The following ZSCAN2 variants were observed in gnomAD, a reference collection of about 807,000 sequenced individuals.
ZSCAN2 encodes the protein zinc finger and SCAN domain-containing protein 2.
Under a neutral mutation model 47.8 loss-of-function variants are expected in ZSCAN2, and 26 were observed. That is an observed-to-expected ratio of 0.54 (90% CI 0.40 to 0.75). The LOEUF is 0.75. Among genes scored for constraint, ZSCAN2 ranks in the 30% least tolerant of loss-of-function variants. ZSCAN2 has a pLI of 0.00. For synonymous variants in ZSCAN2, 305 were observed against 288.7 expected, an observed-to-expected ratio of 1.06 and a Z score of -0.57; for missense variants, 732 against 785.4, an observed-to-expected ratio of 0.93 and a Z score of 0.81.
At chr15:84,603,565 C>T (rs2141755619) in intron 1 of ZSCAN2, among the ~76,000 whole-genome samples, 1 of 152,174 alleles carries the variant, frequency 6.6e-6, no homozygotes, top group South Asian at 2.1e-4. Context: ...AATGGGGTTT[C>T]ACCATACCTC....
intron 2 of ZSCAN2, chr15:84,606,553 C>A: frequency 1.2e-6 from 2 of 1,613,930 alleles, no homozygotes; most frequent in African/African-American, 1.3e-5. Context: ...GCTTCCCTTC[C>A]GGTGGAGGTG....
chr15:84,603,733 A>T (rs1043134150), intron 1 of ZSCAN2, 87 bp from the exon 2 acceptor site: 1 of 581,168 alleles, frequency 1.7e-6, no homozygotes, highest in Admixed American at 3.3e-5. Flanking sequence ...TGTAAGGGCC[A>T]CTTGGTGGTC....
At position 84,619,961 on chromosome 15, in the gene ZSCAN2, G is replaced by GT. The variant is rs1895779291; in HGVS notation, c.407-639dup. Among the ~76,000 whole-genome samples, 4 of 144,416 alleles carry GT rather than the reference G, an allele frequency of 2.8e-5. No individual in the cohort carries two copies. The Admixed American group carries it at 2.8e-4, about 10-fold the overall frequency. 94.7% of individuals were successfully genotyped at this position (144,416 alleles called of 152,430 possible). A position where few individuals can be genotyped will look rare whatever the true frequency, so the allele number is the denominator to read the frequency against. ...TTTTTTTTTTTCCATCAGCTTTTAGGTTCAGGGGTACATGTGCAGGATGTG... is the reference window on the plus strand; with the variant it reads ...TTTTTTTTTTTCCATCAGCTTTTAGGTTTCAGGGGTACATGTGCAGGATGTG... On this transcript the variant is annotated intron_variant, in intron 2 of 2. Transcript: ENST00000546148.
At chr15:84,605,474 T>C (rs1384755553) in intron 2 of ZSCAN2, among the ~76,000 whole-genome samples, 2 of 152,104 alleles carry the variant, frequency 1.3e-5, no homozygotes, top group Non-Finnish European at 2.9e-5. Context: ...AGAGGAGCTG[T>C]GCTGAGCAGA....
intron 2 of ZSCAN2, among the ~76,000 whole-genome samples, chr15:84,612,659 C>T (rs1310663874): frequency 3.3e-5 from 5 of 151,984 alleles, no homozygotes; most frequent in African/African-American, 4.8e-5. Context: ...GGCGTGAACC[C>T]GGTAGGCGGA....
intron 2 of ZSCAN2, among the ~76,000 whole-genome samples, chr15:84,605,276 A>C (rs529419268): frequency 6.6e-6 from 1 of 152,156 alleles, no homozygotes; most frequent in Non-Finnish European, 1.5e-5. Flanking sequence ...TTGATGACCA[A>C]ATGTTTACTT....
Position 84,622,234 on chromosome 15 carries a change from A to C in ZSCAN2, c.*194A>C, listed in dbSNP as rs1895833615. 1.6e-6 allele frequency: 1 copy of C among 616,258 alleles called. No homozygotes were observed. Among genetic ancestry groups the C allele is most frequent in the East Asian group, 2.8e-5 (1 of 35,610 alleles). The allele number at this position is 616,258 out of a possible 1,614,324, so 38.2% of individuals were successfully genotyped here. A position where few individuals can be genotyped will look rare whatever the true frequency, so the allele number is the denominator to read the frequency against. ...AGTCAAGTCCCGTATACATTCAAGA[A>C]CAGGGCATAGGCGTGGAAGGTCTGG... On this transcript the variant is annotated 3_prime_UTR_variant, in exon 3 of 3. Coordinates refer to ENST00000546148, the MANE Select transcript of ZSCAN2 (RefSeq NM_181877.4).
rs779998410 is a variant in ZSCAN2, at chr15:84,621,247, C to A, written c.1052C>A (p.Thr351Lys). Residue 351 changes from threonine (T) to lysine (K), a missense_variant, in exon 3 of 3, where the codon ACG (threonine) becomes AAG (lysine). Physicochemically the swap from Thr to Lys is moderately conservative, Grantham distance 78 (BLOSUM62 -1). Transcript: ENST00000546148. The surrounding 1 kb of genome is among the most constrained non-coding windows in gnomAD (Gnocchi z 5.7). Reference protein sequence around the residue: ...KSFGNRSSLNTHQGIHTGEKP... With the variant: ...KSFGNRSSLNKHQGIHTGEKP... Reference sequence around the variant, plus strand: ...TTTGGCAACCGATCCAGCCTTAACACGCATCAGGGGATCCACACTGGAGAA... The same window carrying A: ...TTTGGCAACCGATCCAGCCTTAACAAGCATCAGGGGATCCACACTGGAGAA... 1 of 1,613,946 alleles carries A rather than the reference C, an allele frequency of 6.2e-7. No individual in the cohort carries two copies. The highest frequency in any genetic ancestry group is 1.1e-5 in the South Asian group (1 of 91,076).
intron 1 of ZSCAN2, among the ~76,000 whole-genome samples, chr15:84,602,567 CT>C (rs971688715): frequency 7.0e-6 from 1 of 143,324 alleles, no homozygotes; most frequent in Non-Finnish European, 1.5e-5. Context: ...AGTTTCTTTT[CT>C]TTTTTTTCCT....
rs1471588970 is a variant in ZSCAN2 at position 84,621,737 on chromosome 15, C to T, written c.1542C>T (p.Arg514=). The change falls in exon 3 of 3, where the codon CGC becomes CGT. Residue 514 remains arginine (R), a synonymous_variant. Coordinates refer to ENST00000546148, the MANE Select transcript of ZSCAN2 (RefSeq NM_181877.4). This position sits in a 1 kb window ranked among gnomAD's most constrained non-coding sequence, Gnocchi z 5.7. ...AGTGTGGGAAATGCTTCAGCCAGCG[C>T]TCCCAGCTCGTAGTGCACCAGCGGA... The part of the protein sequence containing the change: ...CSECGKCFSQ[R]SQLVVHQRTH... 2 of 1,614,192 alleles carry T rather than the reference C, an allele frequency of 1.2e-6. No homozygotes were observed. The highest frequency in any genetic ancestry group is 1.1e-5 in the South Asian group (1 of 91,086).
intron 2 of ZSCAN2, among the ~76,000 whole-genome samples, chr15:84,615,620 G>A (rs764782904): frequency 2.6e-4 from 40 of 152,266 alleles, no homozygotes; most frequent in South Asian, 8.3e-4. Flanking sequence ...CTGAGCCAAC[G>A]CGCCTGGCCC....
chr15:84,602,980 T>C (rs944739133), intron 1 of ZSCAN2, among the ~76,000 whole-genome samples: 3 of 152,172 alleles, frequency 2.0e-5, no homozygotes, highest in African/African-American at 7.2e-5. Flanking sequence ...TTTTTGGTTA[T>C]TTTTTTAAGA....
At chr15:84,601,633 T>C (rs748772212) in intron 1 of ZSCAN2, among the ~76,000 whole-genome samples, 2 of 152,134 alleles carry the variant, frequency 1.3e-5, no homozygotes, top group Non-Finnish European at 2.9e-5. Context: ...TTTTTTAAGC[T>C]TTTGTCAGCT....
At chr15:84,601,341 G>A (rs989621955) in intron 1 of ZSCAN2, among the ~76,000 whole-genome samples, 7 of 152,184 alleles carry the variant, frequency 4.6e-5, no homozygotes, top group African/African-American at 1.7e-4. Context: ...CTGGCGGAGA[G>A]CTCCTTGCCT....
intron 1 of ZSCAN2, among the ~76,000 whole-genome samples, chr15:84,602,587 C>CTTTT (rs981357914): frequency 6.4e-4 from 74 of 115,654 alleles, no homozygotes; most frequent in Middle Eastern, 5.0e-3. Context: ...CTTTTCTTTT[C>CTTTT]TTTTTTTTTT....
chr15:84,609,145 T>C (rs1162869545), intron 2 of ZSCAN2, among the ~76,000 whole-genome samples: 1 of 152,142 alleles, frequency 6.6e-6, no homozygotes, highest in Non-Finnish European at 1.5e-5. Context: ...TGACCACAAA[T>C]GAACACATAC....
intron 2 of ZSCAN2, among the ~76,000 whole-genome samples, chr15:84,619,586 A>G (rs73447297): frequency 0.01 from 1,560 of 152,350 alleles, 33 homozygotes; most frequent in African/African-American, 0.036. Context: ...ATACAAAGTA[A>G]TGCGGTCATA....
chr15:84,612,245 G>T (rs1339443368), intron 2 of ZSCAN2: 1 of 152,218 alleles, frequency 6.6e-6, no homozygotes, highest in African/African-American at 2.4e-5. Context: ...AATGACTCCT[G>T]TGTCTCTCTG....
chr15:84,620,497 TG>T, intron 2 of ZSCAN2, 104 bp from the exon 3 acceptor site: 2 of 995,112 alleles, frequency 2.0e-6, no homozygotes, highest in South Asian at 1.6e-5. Flanking sequence ...CTAGCCTCTT[TG>T]TGTTCACTGG....
Sources: allele counts gnomAD v4.1 joint callset (sites outside exome capture counted in the v4.1 genomes callset), GRCh38; gene constraint gnomAD v4.1.1; non-coding constraint Gnocchi (gnomAD v3.1); transcripts MANE v1.5; gene names NCBI Gene and HGNC (gene_info 2026-07-23, HGNC 2026-07-21).